FAR2: variants seen among roughly 807,000 people sequenced by gnomAD.
The protein encoded by FAR2 is fatty acyl-CoA reductase 2, also known as epididymis secretory protein Li 81.
Under a neutral mutation model 56.0 loss-of-function variants are expected in FAR2, and 19 were observed. The observed-to-expected ratio is 0.34, with a 90% CI of 0.24 to 0.50. The LOEUF (loss-of-function observed/expected upper bound fraction) is 0.50. Ranked by LOEUF, FAR2 falls within the 20% of genes least tolerant of loss-of-function variation. The pLI is 0.98. For missense variants in FAR2, 508 were observed against 642.2 expected (o/e 0.79, Z 2.26); for synonymous variants, 219 against 218.8 (o/e 1.00, Z -0.01).
At chr12:29,162,366 A>T (rs1316462588) in intron 1 of FAR2, among the ~76,000 whole-genome samples, 1 of 152,232 alleles carries the variant, frequency 6.6e-6, no homozygotes, top group African/African-American at 2.4e-5. Flanking sequence ...ACACAGTAGC[A>T]GTCTGGATGC....
chr12:29,248,837 A>G (rs986004356), intron 1 of FAR2, among the ~76,000 whole-genome samples: 1 of 152,218 alleles, frequency 6.6e-6, no homozygotes, highest in Non-Finnish European at 1.5e-5. Flanking sequence ...CCTTGCTGAG[A>G]AAAAGAATTC....
chr12:29,160,328 T>C (rs1949771086), intron 1 of FAR2, among the ~76,000 whole-genome samples: 1 of 152,206 alleles, frequency 6.6e-6, no homozygotes, highest in Non-Finnish European at 1.5e-5. Flanking sequence ...GATTATGTCA[T>C]TCCCCTGCAT....
chr12:29,173,523 A>C (rs1949907608), intron 1 of FAR2, among the ~76,000 whole-genome samples: 1 of 152,174 alleles, frequency 6.6e-6, no homozygotes, highest in African/African-American at 2.4e-5. Context: ...ATCAAGCTGC[A>C]GGATAGTATT....
chr12:29,325,844 G>A (rs968723401), intron 10 of FAR2, among the ~76,000 whole-genome samples: 1 of 152,102 alleles, frequency 6.6e-6, no homozygotes, highest in Non-Finnish European at 1.5e-5. Context: ...AAAAGAACTA[G>A]AGAAGCAAGA....
intron 1 of FAR2, among the ~76,000 whole-genome samples, chr12:29,169,243 G>A (rs1394425039): frequency 6.6e-6 from 1 of 152,198 alleles, no homozygotes; most frequent in East Asian, 1.9e-4. Flanking sequence ...CTGCTGGATA[G>A]GGGCAAAGTA....
At chr12:29,253,340 T>G (rs1325054766) in intron 1 of FAR2, among the ~76,000 whole-genome samples, 1 of 142,876 alleles carries the variant, frequency 7.0e-6, no homozygotes, top group African/African-American at 2.9e-5. Context: ...TAGATATCTA[T>G]ATATCTATAT....
At chr12:29,175,051 A>C (rs1324109233) in intron 1 of FAR2, among the ~76,000 whole-genome samples, 1 of 152,084 alleles carries the variant, frequency 6.6e-6, no homozygotes, top group Non-Finnish European at 1.5e-5. Flanking sequence ...AAAGCCTGAC[A>C]CTCATGTCTT....
intron 1 of FAR2, among the ~76,000 whole-genome samples, chr12:29,169,185 C>T (rs1949862118): frequency 1.3e-5 from 2 of 152,222 alleles, no homozygotes; most frequent in African/African-American, 4.8e-5. Flanking sequence ...CTAAACAGGA[C>T]ACCCCAACTG....
intron 1 of FAR2, among the ~76,000 whole-genome samples, chr12:29,157,147 T>G (rs1474940419): frequency 7.3e-6 from 1 of 136,536 alleles, no homozygotes; most frequent in Admixed American, 7.3e-5. Context: ...TATATATATG[T>G]ATCAATGTGA....
intron 10 of FAR2, among the ~76,000 whole-genome samples, chr12:29,326,990 T>A (rs1043578889): frequency 6.6e-5 from 10 of 151,434 alleles, no homozygotes; most frequent in African/African-American, 1.2e-4. Flanking sequence ...ACATGATTGT[T>A]TATCTAGAAA....
intron 2 of FAR2, among the ~76,000 whole-genome samples, chr12:29,272,750 T>G (rs572165160): frequency 6.6e-6 from 1 of 152,258 alleles, no homozygotes; most frequent in Non-Finnish European, 1.5e-5. Flanking sequence ...TTCCATTGAT[T>G]CTTTCTTATC....
intron 1 of FAR2, among the ~76,000 whole-genome samples, chr12:29,167,447 C>A (rs1949840246): frequency 6.6e-6 from 1 of 152,172 alleles, no homozygotes; most frequent in African/African-American, 2.4e-5. Flanking sequence ...AAATTTTATT[C>A]CCTCTGAACT....
At chr12:29,252,642 T>C (rs550889384) in intron 1 of FAR2, among the ~76,000 whole-genome samples, 4 of 152,356 alleles carry the variant, frequency 2.6e-5, no homozygotes, top group Non-Finnish European at 5.9e-5. Context: ...CGAAAAAAAG[T>C]AAACATCAAC....
intron 1 of FAR2, among the ~76,000 whole-genome samples, chr12:29,186,796 T>G (rs1440615826): frequency 1.4e-5 from 2 of 147,764 alleles, no homozygotes; most frequent in African/African-American, 5.2e-5. Flanking sequence ...ATTTATTTAT[T>G]TATTTATTTT....
At chr12:29,174,710 G>A (rs1028367185) in intron 1 of FAR2, among the ~76,000 whole-genome samples, 10 of 152,118 alleles carry the variant, frequency 6.6e-5, no homozygotes, top group Non-Finnish European at 1.3e-4. Context: ...ATGAGCCAAC[G>A]CACCCGGCCA....
rs958137114 is a variant in FAR2 at position 29,236,598 on chromosome 12, C to A, written c.-38-33814C>A. The stretch of plus-strand genomic sequence containing the variant: ...GCAGGAAAAACTACTATTTATAAAA[C>A]CATCAGATCTCATGAGAATTCACTC... On this transcript the variant is annotated intron_variant, in intron 1 of 11. Transcript: ENST00000536681. 3.3e-5 allele frequency among the ~76,000 whole-genome samples: 5 copies of A among 152,056 alleles called. No individual in the cohort carries two copies. In the East Asian group the frequency reaches 9.6e-4, roughly 29 times the overall value.
intron 1 of FAR2, among the ~76,000 whole-genome samples, chr12:29,190,556 C>G (rs1245253502): frequency 1.3e-5 from 2 of 151,996 alleles, no homozygotes; most frequent in African/African-American, 4.8e-5. Context: ...TCTCCGACTC[C>G]CGGGTTAGAG....
At chr12:29,181,523 C>A (rs1417895086) in intron 1 of FAR2, among the ~76,000 whole-genome samples, 3 of 152,136 alleles carry the variant, frequency 2.0e-5, no homozygotes, top group African/African-American at 7.2e-5. Context: ...TGCCTCTCCT[C>A]CACTCCACTC....
intron 10 of FAR2, among the ~76,000 whole-genome samples, chr12:29,325,027 T>C (rs1186274043): frequency 6.6e-6 from 1 of 151,954 alleles, no homozygotes; most frequent in Non-Finnish European, 1.5e-5. Context: ...GAGACACACA[T>C]AGGCTCAAAA....
Sources: allele counts gnomAD v4.1 joint callset (sites outside exome capture counted in the v4.1 genomes callset), GRCh38; gene constraint gnomAD v4.1.1; transcripts MANE v1.5; gene names NCBI Gene and HGNC (gene_info 2026-07-23, HGNC 2026-07-21).